Variants in KIAA1328 observed in about 807,000 individuals in gnomAD.
KIAA1328 encodes the protein KIAA1328, also known as protein hinderin.
In KIAA1328, 52 loss-of-function variants were observed where a neutral mutation model predicts 68.1. The observed-to-expected ratio is 0.76, with a 90% confidence interval of 0.61 to 0.96. KIAA1328 has a LOEUF of 0.96. Ranked by LOEUF, KIAA1328 falls within the 40% of genes least tolerant of loss-of-function variation. The pLI is 0.00. For missense variants in KIAA1328, 641 were observed against 677.6 expected (o/e 0.95, Z 0.60); for synonymous variants, 232 against 239.4 (o/e 0.97, Z 0.28).
At chr18:36,873,326 A>T (rs1203394969) in intron 4 of KIAA1328, among the ~76,000 whole-genome samples, 3 of 152,224 alleles carry the variant, frequency 2.0e-5, no homozygotes, top group African/African-American at 7.2e-5. Context: ...TAGTGTTGGT[A>T]AACATTGTGC....
At chr18:36,927,913 A>C (rs893333177) in intron 5 of KIAA1328, among the ~76,000 whole-genome samples, 2 of 152,124 alleles carry the variant, frequency 1.3e-5, no homozygotes, top group African/African-American at 2.4e-5. Context: ...AAAGAAAGGG[A>C]AGAGAGAAGT....
intron 5 of KIAA1328, among the ~76,000 whole-genome samples, chr18:36,887,692 T>C (rs1471089957): frequency 6.6e-6 from 1 of 152,198 alleles, no homozygotes; most frequent in Non-Finnish European, 1.5e-5. Flanking sequence ...AGTGAGCATT[T>C]AGCTTGTCCA....
intron 9 of KIAA1328, among the ~76,000 whole-genome samples, chr18:37,190,979 G>A (rs1411737723): frequency 6.6e-6 from 1 of 152,174 alleles, no homozygotes; most frequent in African/African-American, 2.4e-5. Context: ...TAGAGCACTT[G>A]GGAGAAACCC....
Position 37,066,968 on chromosome 18 carries a change from AC to A in KIAA1328, c.657del (p.Tyr220ThrfsTer21), listed in dbSNP as rs1468780548. ...GSYLSIARPQ[T>X]YYQTKQRPKS... ...CTACTTGAGCATAGCCAGACCACAG[AC>A]CTACTATCAAACCAAGCAAAGACCT... is the stretch of plus-strand genomic sequence containing the variant. On this transcript the variant is annotated frameshift_variant, in exon 7 of 10. Coordinates refer to ENST00000280020, the MANE Select transcript of KIAA1328 (RefSeq NM_020776.3). LOFTEE classifies it high-confidence loss of function. 6.2e-7 allele frequency: 1 copy of A among 1,613,288 alleles called. No individual in the cohort carries two copies. The highest frequency in any genetic ancestry group is 8.5e-7 in the Non-Finnish European group (1 of 1,179,526).
chr18:36,971,329 A>G (rs1333941505), intron 6 of KIAA1328, among the ~76,000 whole-genome samples: 1 of 152,252 alleles, frequency 6.6e-6, no homozygotes, highest in East Asian at 1.9e-4. Context: ...CGTAAGACCT[A>G]AAACCATAAA....
intron 5 of KIAA1328, among the ~76,000 whole-genome samples, chr18:36,949,397 T>C (rs1036127710): frequency 5.3e-5 from 8 of 152,172 alleles, no homozygotes; most frequent in African/African-American, 1.9e-4. Flanking sequence ...ATCAAAGTTC[T>C]GGTCCATCTG....
chr18:36,831,044 T>C (rs2046472299), intron 1 of KIAA1328, among the ~76,000 whole-genome samples: 1 of 152,176 alleles, frequency 6.6e-6, no homozygotes, highest in South Asian at 2.1e-4. Flanking sequence ...TTATTAATCA[T>C]TTGATTTAGT....
chr18:37,215,266 G>A (rs907760504), intron 9 of KIAA1328, among the ~76,000 whole-genome samples: 5 of 152,162 alleles, frequency 3.3e-5, no homozygotes, highest in African/African-American at 1.2e-4. Flanking sequence ...TGCCCATTCA[G>A]TATGATATTG....
intron 7 of KIAA1328, among the ~76,000 whole-genome samples, chr18:37,117,171 C>T (rs1265810868): frequency 6.6e-6 from 1 of 152,060 alleles, no homozygotes; most frequent in East Asian, 1.9e-4. Flanking sequence ...ATAAATCATG[C>T]TGCTATAAAG....
intron 9 of KIAA1328, among the ~76,000 whole-genome samples, chr18:37,199,965 G>A (rs968808156): frequency 6.6e-6 from 1 of 152,192 alleles, no homozygotes; most frequent in Non-Finnish European, 1.5e-5. Flanking sequence ...CTGGAATGCT[G>A]AACCGTGAAA....
chr18:36,966,076 C>T (rs1404441788), intron 6 of KIAA1328, among the ~76,000 whole-genome samples: 1 of 152,170 alleles, frequency 6.6e-6, no homozygotes, highest in African/African-American at 2.4e-5. Flanking sequence ...ATAGGAATAA[C>T]AGCAGATTTC....
chr18:37,189,402 A>G (rs1191286179), intron 9 of KIAA1328, among the ~76,000 whole-genome samples: 1 of 152,248 alleles, frequency 6.6e-6, no homozygotes, highest in African/African-American at 2.4e-5. Context: ...ATTATTTTAA[A>G]AATGAAATCA....
At chr18:37,193,626 A>G in intron 9 of KIAA1328, 1 of 702,654 alleles carries the variant, frequency 1.4e-6, no homozygotes, top group Non-Finnish European at 2.6e-6. Flanking sequence ...TTCCTTTCAA[A>G]TCATTTCTTC....
At position 37,223,552 on chromosome 18, in the gene KIAA1328, G is replaced by T; in HGVS notation, c.*1325G>T. The T allele has an allele frequency of 1.0e-6, 1 of 985,392 alleles. No individual in the cohort carries two copies. The highest frequency in any genetic ancestry group is 1.2e-6 in the Non-Finnish European group (1 of 829,938). The allele number at this position is 985,392 out of a possible 1,614,324, so 61.0% of individuals were successfully genotyped here. A position where few individuals can be genotyped will look rare whatever the true frequency, so the allele number is the denominator to read the frequency against. Reference sequence around the variant, plus strand: ...ATTACTTGGGAATTTTATTTGATCTGGAGGGTGTGGCTTTTTTTCTCTCCT... The same window carrying T: ...ATTACTTGGGAATTTTATTTGATCTTGAGGGTGTGGCTTTTTTTCTCTCCT... On this transcript the variant is annotated 3_prime_UTR_variant, in exon 10 of 10. Coordinates refer to ENST00000280020, the MANE Select transcript of KIAA1328 (RefSeq NM_020776.3).
intron 6 of KIAA1328, among the ~76,000 whole-genome samples, chr18:37,064,251 C>A (rs1320815352): frequency 6.6e-6 from 1 of 152,154 alleles, no homozygotes; most frequent in Non-Finnish European, 1.5e-5. Context: ...AATCCTTTAG[C>A]ATTACTACAG....
chr18:36,998,798 A>G (rs139779715), intron 6 of KIAA1328, among the ~76,000 whole-genome samples: 11 of 152,350 alleles, frequency 7.2e-5, no homozygotes, highest in African/African-American at 2.6e-4. Flanking sequence ...CTAGAAAAGT[A>G]AATTCAAAAA....
intron 5 of KIAA1328, among the ~76,000 whole-genome samples, chr18:36,944,843 C>G (rs914780534): frequency 6.6e-6 from 1 of 152,090 alleles, no homozygotes; most frequent in Non-Finnish European, 1.5e-5. Context: ...TTAAAGAATA[C>G]TTGTCAAGAA....
chr18:37,188,938 A>G (rs1465013736), intron 9 of KIAA1328, among the ~76,000 whole-genome samples: 3 of 152,210 alleles, frequency 2.0e-5, no homozygotes, highest in East Asian at 3.8e-4. Flanking sequence ...CTGTTGTTGC[A>G]TGAAGAGTAA....
intron 7 of KIAA1328, among the ~76,000 whole-genome samples, chr18:37,128,338 G>A (rs539944903): frequency 7.9e-5 from 12 of 152,180 alleles, no homozygotes; most frequent in Non-Finnish European, 1.5e-4. Flanking sequence ...GCTGGGTGTG[G>A]TGGTGCACAC....
Sources: allele counts gnomAD v4.1 joint callset (sites outside exome capture counted in the v4.1 genomes callset), GRCh38; gene constraint gnomAD v4.1.1; transcripts MANE v1.5; gene names NCBI Gene and HGNC (gene_info 2026-07-23, HGNC 2026-07-21).